The following CFAP47 variants were observed in gnomAD, a reference collection of about 807,000 sequenced individuals.
CFAP47 encodes the protein cilia- and flagella-associated protein 47.
A neutral mutation model predicts 148.1 loss-of-function variants in CFAP47; 29 were observed. The ratio of observed to expected loss-of-function variants is 0.20; its 90% CI spans 0.15 to 0.27. CFAP47 has a LOEUF of 0.27. Among genes scored for constraint, CFAP47 ranks in the 10% least tolerant of loss-of-function variants. The pLI is 1.00. For missense variants in CFAP47, 1,872 were observed against 1,697.5 expected (o/e 1.10, Z -1.81); for synonymous variants, 664 against 577.3 (o/e 1.15, Z -2.15).
chrX:36,223,492 TCTGA>T (rs1412501641), intron 45 of CFAP47, among the ~76,000 whole-genome samples: 4 of 111,453 alleles, frequency 3.6e-5, no homozygotes, highest in East Asian at 2.8e-4. Context: ...AATTAAAAGC[TCTGA>T]CTATTGTTTG....
Position 35,971,824 on chromosome X carries a change from T to A in CFAP47, c.2158-45T>A, listed in dbSNP as rs754845395. The A allele has an allele frequency of 3.0e-5, 36 of 1,185,666 alleles. No homozygotes were observed. In the South Asian group the frequency reaches 6.6e-4, roughly 22 times the overall value. Reference sequence around the variant, plus strand: ...ATTCCACGAGAATTCTTAAAATAGCTTTTGCTAATAATGAATAATTCTGGA... The same window carrying A: ...ATTCCACGAGAATTCTTAAAATAGCATTTGCTAATAATGAATAATTCTGGA... On this transcript the variant is annotated intron_variant, in intron 12 of 63. Transcript: ENST00000378653.
At chrX:36,175,809 G>C (rs1036755089) in intron 39 of CFAP47, among the ~76,000 whole-genome samples, 1 of 92,892 alleles carries the variant, frequency 1.1e-5, no homozygotes, top group Non-Finnish European at 2.2e-5. Context: ...AGGCCTCCTT[G>C]AGCTGTGGTG....
At chrX:36,243,647 GTATATA>G (rs58640112) in intron 48 of CFAP47, among the ~76,000 whole-genome samples, 7,466 of 64,038 alleles carry the variant, frequency 0.12, 407 homozygotes, top group South Asian at 0.36. Context: ...ATATGTGTGT[GTATATA>G]TATATATATA....
intron 62 of CFAP47, among the ~76,000 whole-genome samples, chrX:36,377,885 G>T (rs1942039181): frequency 1.8e-5 from 2 of 112,201 alleles, no homozygotes; most frequent in African/African-American, 3.2e-5. Context: ...CAATTTAACA[G>T]ATGTCAACAC....
Position 36,126,578 on chromosome X carries a change from G to A in CFAP47, c.5321-11380G>A, listed in dbSNP as rs768503210. 4.4e-3 allele frequency among the ~76,000 whole-genome samples: 494 copies of A among 111,955 alleles called. 2 individuals are homozygous for A. The highest frequency in any genetic ancestry group is 0.015 in the African/African-American group (472 of 30,758). Reference sequence around the variant, plus strand: ...ACATACATGTGCATGTGTCTTTATAGTAGAATGATTTATAATCCTTTGGGT... The same window carrying A: ...ACATACATGTGCATGTGTCTTTATAATAGAATGATTTATAATCCTTTGGGT... On this transcript the variant is annotated intron_variant, in intron 33 of 63. Transcript: ENST00000378653.
intron 25 of CFAP47, among the ~76,000 whole-genome samples, chrX:36,042,863 C>G (rs1937422859): frequency 9.0e-6 from 1 of 110,918 alleles, no homozygotes; most frequent in African/African-American, 3.3e-5. Context: ...AGCTAAGCTC[C>G]CCAAGAGGAA....
intron 15 of CFAP47, among the ~76,000 whole-genome samples, chrX:35,977,805 A>G (rs1220601596): frequency 8.9e-6 from 1 of 111,742 alleles, no homozygotes; most frequent in African/African-American, 3.3e-5. Context: ...TATTAAATTA[A>G]ATTCACTTAA....
intron 24 of CFAP47, among the ~76,000 whole-genome samples, chrX:36,036,875 C>T (rs1399914276): frequency 1.8e-5 from 2 of 111,700 alleles, no homozygotes; most frequent in Non-Finnish European, 3.8e-5. Flanking sequence ...TGATGTTCTA[C>T]TATATCTATT....
At chrX:36,165,111 T>G (rs1472920555) in intron 39 of CFAP47, among the ~76,000 whole-genome samples, 2 of 112,077 alleles carry the variant, frequency 1.8e-5, no homozygotes, top group Non-Finnish European at 3.8e-5. Context: ...TCCACGTTGT[T>G]ACAGATGCAA....
At chrX:36,127,336 T>C (rs756619519) in intron 33 of CFAP47, among the ~76,000 whole-genome samples, 9 of 111,924 alleles carry the variant, frequency 8.0e-5, no homozygotes, top group Non-Finnish European at 1.3e-4. Flanking sequence ...CCCAACAACA[T>C]TTATTAAATA....
chrX:36,079,293 C>G (rs1419515474), intron 29 of CFAP47, among the ~76,000 whole-genome samples: 2 of 111,950 alleles, frequency 1.8e-5, no homozygotes, highest in Non-Finnish European at 3.8e-5. Context: ...TTCCATTCTC[C>G]CCGTCACTTT....
chrX:35,946,753 A>G (rs978209337), intron 3 of CFAP47, among the ~76,000 whole-genome samples: 1 of 111,680 alleles, frequency 9.0e-6, no homozygotes, highest in Non-Finnish European at 1.9e-5. Context: ...AATTTGCCAA[A>G]CTGTTTATTT....
intron 39 of CFAP47, among the ~76,000 whole-genome samples, chrX:36,163,570 A>G (rs1267021097): frequency 9.1e-6 from 1 of 110,131 alleles, no homozygotes; most frequent in Admixed American, 9.8e-5. Context: ...TTCATCTCAT[A>G]TGTTTTGGAA....
At chrX:36,140,952 T>C (rs1215515015) in intron 35 of CFAP47, among the ~76,000 whole-genome samples, 1 of 111,407 alleles carries the variant, frequency 9.0e-6, no homozygotes, top group Non-Finnish European at 1.9e-5. Flanking sequence ...CATGCAAAGA[T>C]AGATAACAAA....
At chrX:36,100,149 T>C (rs1479240170) in intron 32 of CFAP47, among the ~76,000 whole-genome samples, 1 of 111,213 alleles carries the variant, frequency 9.0e-6, no homozygotes, top group Non-Finnish European at 1.9e-5. Flanking sequence ...AGGCAAGGAG[T>C]TACCTTTTAA....
intron 57 of CFAP47, among the ~76,000 whole-genome samples, chrX:36,340,024 C>T (rs187356524): frequency 1.8e-5 from 2 of 111,884 alleles, no homozygotes; most frequent in Admixed American, 9.5e-5. Context: ...GTGTCTTCTT[C>T]GGATAACCTT....
intron 45 of CFAP47, among the ~76,000 whole-genome samples, chrX:36,222,012 T>G (rs1172046207): frequency 8.9e-6 from 1 of 111,799 alleles, no homozygotes; most frequent in Non-Finnish European, 1.9e-5. Flanking sequence ...CTGGTAATGA[T>G]TGGCCATCCT....
intron 63 of CFAP47, among the ~76,000 whole-genome samples, chrX:36,383,038 A>G (rs953660037): frequency 9.0e-6 from 1 of 111,368 alleles, no homozygotes; most frequent in African/African-American, 3.3e-5. Flanking sequence ...TATAATGTTC[A>G]ATCTTTATTT....
chrX:36,008,828 A>C (rs1937008792), intron 21 of CFAP47, among the ~76,000 whole-genome samples: 1 of 111,296 alleles, frequency 9.0e-6, no homozygotes, highest in Admixed American at 9.6e-5. Flanking sequence ...GCTTCTTTGA[A>C]CTTTGTATTG....
Sources: allele counts gnomAD v4.1 joint callset (sites outside exome capture counted in the v4.1 genomes callset), GRCh38; gene constraint gnomAD v4.1.1; transcripts MANE v1.5; gene names NCBI Gene and HGNC (gene_info 2026-07-23, HGNC 2026-07-21).